Variants in ELAVL3 observed in about 807,000 individuals in gnomAD.
The protein encoded by ELAVL3 is ELAV-like protein 3.
Under a neutral mutation model 34.2 loss-of-function variants are expected in ELAVL3, and 8 were observed. The observed-to-expected ratio is 0.23, with a 90% CI of 0.14 to 0.42. The LOEUF is 0.42. Among genes scored for constraint, ELAVL3 ranks in the 10% least tolerant of loss-of-function variants. The pLI is 1.00. For missense variants in ELAVL3, 273 were observed against 518.8 expected (o/e 0.53, Z 4.60); for synonymous variants, 209 against 222.1 (o/e 0.94, Z 0.53).
rs1970821354 is a variant in ELAVL3 at position 11,458,676 on chromosome 19, G to A, written c.334-65C>T. 1.9e-6 allele frequency: 3 copies of A among 1,586,108 alleles called. No homozygotes were observed. The highest frequency in any genetic ancestry group is 2.6e-6 in the Non-Finnish European group (3 of 1,164,510). ...CCCATTTCACAGATGGAGAGAGTGA[G>A]GCCATGTCTAAACCATCACGGAGTT... On this transcript the variant is annotated intron_variant, in intron 3 of 6. Coordinates refer to ENST00000359227, the MANE Select transcript of ELAVL3 (RefSeq NM_001420.4). The surrounding 1 kb of genome is among the most constrained non-coding windows in gnomAD (Gnocchi z 7.3).
rs542837282 is a variant in ELAVL3, at chr19:11,458,902, C to T, written c.334-291G>A. On this transcript the variant is annotated intron_variant, in intron 3 of 6. Coordinates refer to ENST00000359227, the MANE Select transcript of ELAVL3 (RefSeq NM_001420.4). This position sits in a 1 kb window ranked among gnomAD's most constrained non-coding sequence, Gnocchi z 7.3. Reference sequence around the variant, plus strand: ...GACCCCAAAGGGATCCTTGAATAGCCGGCTCACATCACTATCACATGCTTG... The same window carrying T: ...GACCCCAAAGGGATCCTTGAATAGCTGGCTCACATCACTATCACATGCTTG... Among the ~76,000 whole-genome samples, 6 of 151,988 alleles carry T rather than the reference C, an allele frequency of 3.9e-5. No individual in the cohort carries two copies. Among genetic ancestry groups the T allele is most frequent in the African/African-American group, 1.4e-4 (6 of 41,438 alleles).
intron 3 of ELAVL3, among the ~76,000 whole-genome samples, chr19:11,460,780 G>C (rs1384738467): frequency 5.3e-5 from 8 of 151,924 alleles, no homozygotes; most frequent in Non-Finnish European, 1.2e-4. Flanking sequence ...CTAGGAATTA[G>C]ACACATTTTA....
Position 11,480,647 on chromosome 19 carries a change from G to C in ELAVL3, c.-39C>G, listed in dbSNP as rs758629668. ...GCGGGCGCGGTCCGTGTTGAGGGGG[G>C]CTCCGGGGGTGGTGCACTCCTAGGG... On this transcript the variant is annotated 5_prime_UTR_variant, in exon 1 of 7. Coordinates refer to ENST00000359227, the MANE Select transcript of ELAVL3 (RefSeq NM_001420.4). This position sits in a 1 kb window ranked among gnomAD's most constrained non-coding sequence, Gnocchi z 6.8. 2 of 1,416,054 alleles carry C rather than the reference G, an allele frequency of 1.4e-6. No homozygotes were observed. The highest frequency in any genetic ancestry group is 5.5e-5 in the Admixed American group (2 of 36,566). The allele number at this position is 1,416,054 out of a possible 1,614,324, so 87.7% of individuals were successfully genotyped here.
intron 3 of ELAVL3, among the ~76,000 whole-genome samples, chr19:11,464,168 T>TATATATATA (rs34925349): frequency 5.3e-4 from 42 of 79,110 alleles, no homozygotes; most frequent in African/African-American, 8.1e-4. Flanking sequence ...TATATATATA[T>TATATATATA]TTTTTTTTTT....
At position 11,480,847 on chromosome 19, in the gene ELAVL3, G is replaced by A; in HGVS notation, c.-239C>T. Reference sequence around the variant, plus strand: ...CTGCGGGCGGCAGGGGATGGAAAGAGGGAGCGGGCGCGGGGTTGAGGACGC... The same window carrying A: ...CTGCGGGCGGCAGGGGATGGAAAGAAGGAGCGGGCGCGGGGTTGAGGACGC... On this transcript the variant is annotated 5_prime_UTR_variant, in exon 1 of 7. Coordinates refer to ENST00000359227, the MANE Select transcript of ELAVL3 (RefSeq NM_001420.4). The surrounding 1 kb of genome is among the most constrained non-coding windows in gnomAD (Gnocchi z 6.8). 2.6e-6 allele frequency: 1 copy of A among 377,792 alleles called. No individual in the cohort carries two copies. The highest frequency in any genetic ancestry group is 3.9e-5 in the East Asian group (1 of 25,804). The allele number at this position is 377,792 out of a possible 1,614,324, so 23.4% of individuals were successfully genotyped here. A position where few individuals can be genotyped will look rare whatever the true frequency, so the allele number is the denominator to read the frequency against.
intron 1 of ELAVL3, among the ~76,000 whole-genome samples, chr19:11,478,506 T>TG (rs139329188): frequency 9.2e-5 from 14 of 151,718 alleles, no homozygotes; most frequent in South Asian, 2.1e-4. Flanking sequence ...CAGACAGAGA[T>TG]GGGGGGGTGG....
rs545329258 is a variant in ELAVL3 at position 11,480,509 on chromosome 19, A to ACC, written c.9+89_9+90dup. 2.9e-5 allele frequency: 33 copies of ACC among 1,136,132 alleles called. No individual in the cohort carries two copies. The highest frequency in any genetic ancestry group is 1.6e-4 in the Admixed American group (4 of 25,426). 70.4% of individuals were successfully genotyped at this position (1,136,132 alleles called of 1,614,324 possible). A position where few individuals can be genotyped will look rare whatever the true frequency, so the allele number is the denominator to read the frequency against. ...CCCGGGCCTAGCTAGGCCTGGTCCT[A>ACC]CCCCCCCCGCCGCACCCGCCCAATC... is the stretch of plus-strand genomic sequence containing the variant. On this transcript the variant is annotated intron_variant, in intron 1 of 6. Coordinates refer to ENST00000359227, the MANE Select transcript of ELAVL3 (RefSeq NM_001420.4). The surrounding 1 kb of genome is among the most constrained non-coding windows in gnomAD (Gnocchi z 6.8).
chr19:11,465,353 C>T (rs945487354), intron 3 of ELAVL3, among the ~76,000 whole-genome samples: 4 of 151,460 alleles, frequency 2.6e-5, no homozygotes, highest in African/African-American at 9.7e-5. Context: ...CATGCGTACA[C>T]ACACACATGC....
At position 11,458,496 on chromosome 19, in the gene ELAVL3, C is replaced by T. The variant is rs778296387; in HGVS notation, c.449G>A (p.Arg150His). 1 of 1,614,100 alleles carries T rather than the reference C, an allele frequency of 6.2e-7. No individual in the cohort carries two copies. The highest frequency in any genetic ancestry group is 8.5e-7 in the Non-Finnish European group (1 of 1,180,034). The change falls in exon 4 of 7, where the codon CGC (arginine) becomes CAC (histidine). Residue 150 changes from arginine to histidine, a missense_variant. Arg to His is a conservative substitution (Grantham distance 29). Transcript: ENST00000359227. This position sits in a 1 kb window ranked among gnomAD's most constrained non-coding sequence, Gnocchi z 7.3. Reference protein sequence around the residue: ...EMEQLFSQYGRIITSRILVDQ... With the variant: ...EMEQLFSQYGHIITSRILVDQ... ...CACCAGGATGCGGGACGTGATGATGCGGCCGTACTGGGAGAAGAGCTGCTC... is the reference window on the plus strand; with the variant it reads ...CACCAGGATGCGGGACGTGATGATGTGGCCGTACTGGGAGAAGAGCTGCTC...
At chr19:11,462,497 C>T (rs1378581562) in intron 3 of ELAVL3, among the ~76,000 whole-genome samples, 1 of 151,318 alleles carries the variant, frequency 6.6e-6, no homozygotes, top group Non-Finnish European at 1.5e-5. Flanking sequence ...ATTAGCCGGG[C>T]GTGGTGGCGG....
intron 1 of ELAVL3, among the ~76,000 whole-genome samples, chr19:11,474,079 C>T (rs1268992604): frequency 6.6e-6 from 1 of 152,124 alleles, no homozygotes; most frequent in Non-Finnish European, 1.5e-5. Flanking sequence ...GTCACCCAGA[C>T]TGGGGTGCAG....
At position 11,466,728 on chromosome 19, in the gene ELAVL3, T is replaced by C. The variant is rs1568383831; in HGVS notation, c.109A>G (p.Ser37Gly). 1.2e-6 allele frequency: 2 copies of C among 1,614,224 alleles called. No individual in the cohort carries two copies. The highest frequency in any genetic ancestry group is 1.7e-6 in the Non-Finnish European group (2 of 1,180,032). The change falls in exon 2 of 7, where the codon AGC (serine) becomes GGC (glycine). Residue 37 changes from serine (S) to glycine (G), a missense_variant. Ser to Gly is a moderately conservative substitution (Grantham distance 56). Around this residue, in one of 4 missense-constraint regions of ELAVL3, gnomAD observed 102 missense variants for 250.1 expected, o/e 0.41. Coordinates refer to ENST00000359227, the MANE Select transcript of ELAVL3 (RefSeq NM_001420.4). This position sits in a 1 kb window ranked among gnomAD's most constrained non-coding sequence, Gnocchi z 5.0. ...TAGTTGACGATGAGGTTGGTCTTGCTGTCGTCAGTGGCTCCATTTGTACCA... is the reference window on the plus strand; with the variant it reads ...TAGTTGACGATGAGGTTGGTCTTGCCGTCGTCAGTGGCTCCATTTGTACCA... ...LLGTNGATDD[S>G]KTNLIVNYLP...
chr19:11,470,302 C>T (rs1413841725), intron 1 of ELAVL3, among the ~76,000 whole-genome samples: 1 of 152,052 alleles, frequency 6.6e-6, no homozygotes, highest in African/African-American at 2.4e-5. Flanking sequence ...CTGCAGTGAG[C>T]TGAGCTCGTG....
intron 1 of ELAVL3, among the ~76,000 whole-genome samples, chr19:11,469,994 A>T (rs1191941341): frequency 1.3e-5 from 2 of 151,270 alleles, no homozygotes; most frequent in East Asian, 3.9e-4. Flanking sequence ...GAGGTCAAGG[A>T]TGCAGTAAAC....
intron 1 of ELAVL3, among the ~76,000 whole-genome samples, chr19:11,479,692 G>C (rs1971335449): frequency 6.6e-6 from 1 of 151,632 alleles, no homozygotes; most frequent in South Asian, 2.1e-4. Flanking sequence ...TGGCCAGGCA[G>C]GGCGTGGCAG....
In ELAVL3 at chr19:11,454,749, T is replaced by C; in HGVS notation, c.881A>G (p.Glu294Gly). 1 of 1,614,088 alleles carries C rather than the reference T, an allele frequency of 6.2e-7. No homozygotes were observed. The highest frequency in any genetic ancestry group is 8.5e-7 in the Non-Finnish European group (1 of 1,179,982). Reference protein sequence around the residue: ...WCIFVYNLSPEADESVLWQLF... With the variant: ...WCIFVYNLSPGADESVLWQLF... ...CTGCCACAGCACGCTCTCGTCTGCC[T>C]CCGGTGACAGGTTGTACACGAAGAT... Residue 294 changes from glutamate to glycine, a missense_variant, in exon 7 of 7, where the codon GAG becomes GGG. This residue lies in a region of ELAVL3 where 52 missense variants were observed against 119.6 expected (regional missense o/e 0.43). Coordinates refer to ENST00000359227, the MANE Select transcript of ELAVL3 (RefSeq NM_001420.4). This position sits in a 1 kb window ranked among gnomAD's most constrained non-coding sequence, Gnocchi z 9.2.
intron 1 of ELAVL3, among the ~76,000 whole-genome samples, chr19:11,476,866 T>C (rs1359202563): frequency 6.6e-6 from 1 of 151,762 alleles, no homozygotes; most frequent in African/African-American, 2.4e-5. Context: ...ACCACTGCAC[T>C]CTAGCCTGGG....
chr19:11,475,042 G>A (rs936496937), intron 1 of ELAVL3, among the ~76,000 whole-genome samples: 2 of 152,076 alleles, frequency 1.3e-5, no homozygotes, highest in African/African-American at 4.8e-5. Flanking sequence ...TAGCCAGGAT[G>A]GTCTCGATCT....
rs1314258892 is a variant in ELAVL3, at chr19:11,465,111, TACACCACACACATAC to T, written c.333+1046_333+1060del. ...CACACACACCACACACACATACACA[TACACCACACACATAC>T]ACACCACACACATACACATACACAC... is the stretch of plus-strand genomic sequence containing the variant. On this transcript the variant is annotated intron_variant, in intron 3 of 6. Transcript: ENST00000359227. Among the ~76,000 whole-genome samples, 53 of 45,080 alleles carry T rather than the reference TACACCACACACATAC, an allele frequency of 1.2e-3. No homozygotes were observed. In the South Asian group the frequency reaches 0.017, roughly 15 times the overall value. The allele number at this position is 45,080 out of a possible 152,430, so 29.6% of individuals were successfully genotyped here. A position where few individuals can be genotyped will look rare whatever the true frequency, so the allele number is the denominator to read the frequency against.
Sources: allele counts gnomAD v4.1 joint callset (sites outside exome capture counted in the v4.1 genomes callset), GRCh38; gene constraint gnomAD v4.1.1; regional missense constraint gnomAD v4.1.1; non-coding constraint Gnocchi (gnomAD v3.1); transcripts MANE v1.5; gene names NCBI Gene and HGNC (gene_info 2026-07-23, HGNC 2026-07-21).